ZNF536: variants seen among roughly 807,000 people sequenced by gnomAD.
The protein encoded by ZNF536 is zinc finger protein 536.
A neutral mutation model predicts 84.5 loss-of-function variants in ZNF536; 13 were observed. That is an observed-to-expected ratio of 0.15 (90% CI 0.10 to 0.24). ZNF536 has a LOEUF of 0.24. Among genes scored for constraint, ZNF536 ranks in the 10% least tolerant of loss-of-function variants. The pLI, the probability that ZNF536 is intolerant of heterozygous loss-of-function variation, is 1.00. For synonymous variants in ZNF536, 811 were observed against 742.5 expected (o/e 1.09, Z -1.50); for missense variants, 1,536 against 1,747.5 (o/e 0.88, Z 2.16).
intron 2 of ZNF536, among the ~76,000 whole-genome samples, chr19:30,284,745 C>T (rs1051328472): frequency 1.1e-4 from 17 of 152,182 alleles, no homozygotes; most frequent in African/African-American, 3.9e-4. Context: ...GTTAACTCAC[C>T]CTCGGTTGTA....
chr19:30,429,027 GCACCTGAGGC>G (rs1184105952), intron 1 of ZNF536, among the ~76,000 whole-genome samples: 3 of 152,176 alleles, frequency 2.0e-5, no homozygotes, highest in Non-Finnish European at 4.4e-5. Context: ...AGGGGCCAGG[GCACCTGAGGC>G]CACATGGCTA....
chr19:30,425,368 G>A (rs1007621179), intron 1 of ZNF536, among the ~76,000 whole-genome samples: 2 of 152,126 alleles, frequency 1.3e-5, no homozygotes, highest in African/African-American at 2.4e-5. Context: ...TATCAGCCAG[G>A]ACTCCTTTCG....
chr19:30,654,652 G>C (rs777184298), intron 1 of ZNF536, among the ~76,000 whole-genome samples: 1 of 152,130 alleles, frequency 6.6e-6, no homozygotes, highest in Non-Finnish European at 1.5e-5. Context: ...TCTTTTAACC[G>C]GGCGATTGTT....
intron 1 of ZNF536, among the ~76,000 whole-genome samples, chr19:30,636,815 G>A (rs1294081937): frequency 3.9e-5 from 6 of 152,266 alleles, no homozygotes; most frequent in South Asian, 2.1e-4. Flanking sequence ...GCCTGGGGAC[G>A]GGGGCAGGCC....
chr19:30,276,526 AG>A (rs2026142907), intron 1 of ZNF536, among the ~76,000 whole-genome samples: 1 of 152,120 alleles, frequency 6.6e-6, no homozygotes, highest in African/African-American at 2.4e-5. Flanking sequence ...ACACATACTC[AG>A]CTTTTTAGTT....
chr19:30,253,364 A>T (rs1364472368), intron 1 of ZNF536, among the ~76,000 whole-genome samples: 1 of 152,208 alleles, frequency 6.6e-6, no homozygotes, highest in African/African-American at 2.4e-5. Context: ...GAGACATAGA[A>T]AATTTAAGGT....
chr19:30,366,956 T>C (rs2048455639), intron 3 of ZNF536, among the ~76,000 whole-genome samples: 1 of 152,138 alleles, frequency 6.6e-6, no homozygotes, highest in African/African-American at 2.4e-5. Context: ...CTGAGTCCCA[T>C]GGAGATGGCA....
intron 1 of ZNF536, among the ~76,000 whole-genome samples, chr19:30,384,749 A>G (rs995863260): frequency 1.3e-5 from 2 of 152,202 alleles, no homozygotes; most frequent in Non-Finnish European, 2.9e-5. Flanking sequence ...GTGTTCAGCC[A>G]GGCATGGTGG....
chr19:30,635,110 C>T (rs1001690221), intron 1 of ZNF536, among the ~76,000 whole-genome samples: 15 of 152,062 alleles, frequency 9.9e-5, no homozygotes, highest in Admixed American at 3.3e-4. Flanking sequence ...GCCCCACACG[C>T]GCATGTTTAG....
At chr19:30,409,443 C>T (rs974559439) in intron 1 of ZNF536, among the ~76,000 whole-genome samples, 4 of 152,316 alleles carry the variant, frequency 2.6e-5, no homozygotes, top group African/African-American at 9.6e-5. Flanking sequence ...TTCCGAATCC[C>T]TGGCCCCCCT....
chr19:30,473,025 C>T (rs2053700369), intron 2 of ZNF536, among the ~76,000 whole-genome samples: 2 of 134,146 alleles, frequency 1.5e-5, no homozygotes. Context: ...AAACCGATCT[C>T]TACTAAGAAT....
At chr19:30,285,118 A>T (rs563680378) in intron 2 of ZNF536, among the ~76,000 whole-genome samples, 1 of 152,334 alleles carries the variant, frequency 6.6e-6, no homozygotes, top group East Asian at 1.9e-4. Context: ...GATTAATGTG[A>T]TCTAATAATA....
At chr19:30,442,323 T>C (rs914501569) in intron 1 of ZNF536, among the ~76,000 whole-genome samples, 1 of 152,220 alleles carries the variant, frequency 6.6e-6, no homozygotes, top group African/African-American at 2.4e-5. Context: ...GAGAGGACTA[T>C]TAAAGACAAT....
chr19:30,464,241 G>A (rs747188381), intron 2 of ZNF536, among the ~76,000 whole-genome samples: 1 of 152,172 alleles, frequency 6.6e-6, no homozygotes, highest in Non-Finnish European at 1.5e-5. Context: ...GCAGGCCTGG[G>A]GCGATGGGGG....
At chr19:30,576,381 C>G (rs1047342881) in intron 1 of ZNF536, among the ~76,000 whole-genome samples, 1 of 152,198 alleles carries the variant, frequency 6.6e-6, no homozygotes, top group African/African-American at 2.4e-5. Context: ...ATCTCCACTG[C>G]TATCTCAAGC....
At chr19:30,494,680 A>C (rs2054642677) in intron 2 of ZNF536, among the ~76,000 whole-genome samples, 1 of 152,054 alleles carries the variant, frequency 6.6e-6, no homozygotes, top group Admixed American at 6.6e-5. Flanking sequence ...TTCAGAACTT[A>C]AGACCCTGTA....
chr19:30,595,314 G>A (rs999325703), intron 1 of ZNF536, among the ~76,000 whole-genome samples: 1 of 152,008 alleles, frequency 6.6e-6, no homozygotes, highest in African/African-American at 2.4e-5. Context: ...AAGAGATAGA[G>A]TCTCTCTCTC....
At chr19:30,663,376 G>C (rs1377098553) in intron 1 of ZNF536, among the ~76,000 whole-genome samples, 1 of 152,100 alleles carries the variant, frequency 6.6e-6, no homozygotes. Flanking sequence ...CCGAAACTCT[G>C]CAGGATATGG....
At chr19:30,442,331 A>T (rs927605035) in intron 1 of ZNF536, among the ~76,000 whole-genome samples, 2 of 152,342 alleles carry the variant, frequency 1.3e-5, no homozygotes, top group African/African-American at 4.8e-5. Flanking sequence ...TATTAAAGAC[A>T]ATTATGCAGA....
Sources: allele counts gnomAD v4.1 joint callset (sites outside exome capture counted in the v4.1 genomes callset), GRCh38; gene constraint gnomAD v4.1.1; transcripts MANE v1.5; gene names NCBI Gene and HGNC (gene_info 2026-07-23, HGNC 2026-07-21).